DNAJC7: variants seen among roughly 807,000 people sequenced by gnomAD.
DNAJC7 encodes DnaJ heat shock protein family (Hsp40) member C7.
DNAJC7 carries 18 observed loss-of-function variants against 67.4 expected under a neutral mutation model. That is an observed-to-expected ratio of 0.27 (90% CI 0.18 to 0.40). DNAJC7 has a LOEUF of 0.40. Among genes scored for constraint, DNAJC7 ranks in the 10% least tolerant of loss-of-function variants. The pLI is 1.00. For missense variants in DNAJC7, 419 were observed against 613.8 expected, an observed-to-expected ratio of 0.68 and a Z score of 3.35; for synonymous variants, 220 against 207.8, an observed-to-expected ratio of 1.06 and a Z score of -0.50.
intron 12 of DNAJC7, among the ~76,000 whole-genome samples, chr17:41,978,627 AGGTG>A (rs1415002585): frequency 6.6e-6 from 1 of 152,214 alleles, no homozygotes; most frequent in African/African-American, 2.4e-5. Flanking sequence ...TGGGAGGCCA[AGGTG>A]GGTGGATCAC....
chr17:42,002,599 C>A (rs1430889986), intron 1 of DNAJC7, among the ~76,000 whole-genome samples: 1 of 152,168 alleles, frequency 6.6e-6, no homozygotes, highest in Non-Finnish European at 1.5e-5. Context: ...TCATTATTCC[C>A]ATTTTTCAAA....
chr17:42,002,019 T>TCAAGAAAGATCCCCCAATTG (rs1192370574), intron 1 of DNAJC7, among the ~76,000 whole-genome samples: 84 of 152,322 alleles, frequency 5.5e-4, no homozygotes, highest in Middle Eastern at 6.8e-3. Context: ...TGAAAAATCT[T>TCAAGAAAGATCCCCCAATTG]CAAGAAAGAT....
chr17:41,996,451 A>T, intron 3 of DNAJC7, 27 bp from the exon 4 acceptor site: 1 of 1,597,304 alleles, frequency 6.3e-7, no homozygotes, highest in Middle Eastern at 1.7e-4. Context: ...AGGGAAGAAA[A>T]GAAGCATGAT....
intron 7 of DNAJC7, among the ~76,000 whole-genome samples, 162 bp from the exon 8 acceptor site, chr17:41,989,058 C>G (rs2069063952): frequency 6.6e-6 from 1 of 152,126 alleles, no homozygotes; most frequent in Admixed American, 6.6e-5. Context: ...ATTTGAGCTT[C>G]CTACAGAGTG....
chr17:41,986,197 C>T (rs2051374314), intron 9 of DNAJC7: 1 of 151,794 alleles, frequency 6.6e-6, no homozygotes, highest in African/African-American at 2.4e-5. Flanking sequence ...GAAACCCCAT[C>T]TCCAATAAAA....
chr17:41,999,897 C>A (rs1253534059), intron 2 of DNAJC7, among the ~76,000 whole-genome samples: 1 of 149,552 alleles, frequency 6.7e-6, no homozygotes, highest in Non-Finnish European at 1.5e-5. Context: ...TGGCTCACTG[C>A]AACTTCTACC....
chr17:41,979,657 T>TAAAAAA (rs71155200), intron 12 of DNAJC7, among the ~76,000 whole-genome samples: 4 of 47,860 alleles, frequency 8.4e-5, no homozygotes, highest in South Asian at 1.4e-3. Flanking sequence ...GGCTCAGTCT[T>TAAAAAA]AAAAAAAAAA....
At chr17:41,988,390 T>C (rs1419876348) in intron 8 of DNAJC7, among the ~76,000 whole-genome samples, 1 of 152,110 alleles carries the variant, frequency 6.6e-6, no homozygotes, top group East Asian at 1.9e-4. Flanking sequence ...ATACTCTTCC[T>C]CCAAATCACT....
chr17:41,978,114 C>T (rs184607376), intron 12 of DNAJC7, among the ~76,000 whole-genome samples: 8 of 152,292 alleles, frequency 5.3e-5, no homozygotes, highest in African/African-American at 1.9e-4. Context: ...AACTTGCCCA[C>T]GATCACATGG....
intron 1 of DNAJC7, chr17:42,016,602 G>A (rs1555651947): frequency 6.5e-6 from 1 of 152,834 alleles, no homozygotes; most frequent in Non-Finnish European, 1.5e-5. Context: ...AGCTCCCTTG[G>A]CTAGTCCGAC....
intron 1 of DNAJC7, among the ~76,000 whole-genome samples, chr17:42,002,024 A>G (rs1261732431): frequency 6.6e-6 from 1 of 152,206 alleles, no homozygotes; most frequent in Non-Finnish European, 1.5e-5. Flanking sequence ...AATCTTCAAG[A>G]AAGATCCCCC....
At chr17:41,978,249 AC>A (rs2051143132) in intron 12 of DNAJC7, among the ~76,000 whole-genome samples, 1 of 151,902 alleles carries the variant, frequency 6.6e-6, no homozygotes, top group Non-Finnish European at 1.5e-5. Flanking sequence ...AGAAGGACTG[AC>A]CCCCACCAGG....
At chr17:42,009,083 T>C (rs139730042) in intron 1 of DNAJC7, among the ~76,000 whole-genome samples, 8 of 152,298 alleles carry the variant, frequency 5.3e-5, no homozygotes, top group East Asian at 1.9e-4. Context: ...CAGAAAAAAA[T>C]AGAAGGTGAG....
chr17:41,998,140 G>A (rs775979497), intron 2 of DNAJC7, among the ~76,000 whole-genome samples: 2 of 151,946 alleles, frequency 1.3e-5, no homozygotes, highest in Non-Finnish European at 2.9e-5. Context: ...TGGGATTACA[G>A]GAGTGAGCTA....
intron 5 of DNAJC7, among the ~76,000 whole-genome samples, chr17:41,993,553 ACT>A (rs1291179869): frequency 6.6e-6 from 1 of 152,160 alleles, no homozygotes; most frequent in Non-Finnish European, 1.5e-5. Context: ...TGAAGTGACA[ACT>A]CTGTTCCTTG....
At chr17:41,988,455 G>T (rs561444741) in intron 8 of DNAJC7, among the ~76,000 whole-genome samples, 60 of 152,332 alleles carry the variant, frequency 3.9e-4, no homozygotes, top group Non-Finnish European at 7.3e-4. Context: ...GCAACAGTAG[G>T]TGCTTAAGAT....
chr17:42,016,889 G>A, intron 1 of DNAJC7: 1 of 986,148 alleles, frequency 1.0e-6, no homozygotes, highest in Non-Finnish European at 1.3e-6. Flanking sequence ...GATCGCTGGG[G>A]TATAATTACA....
At chr17:41,990,479 G>A (rs1227129733) in intron 5 of DNAJC7, 97 bp from the exon 6 acceptor site, 3 of 991,532 alleles carry the variant, frequency 3.0e-6, no homozygotes, top group Non-Finnish European at 4.7e-6. Flanking sequence ...AAAACTCAAT[G>A]AGGTCTTTGG....
chr17:42,012,219 C>G (rs1380140352), intron 1 of DNAJC7, among the ~76,000 whole-genome samples: 1 of 152,128 alleles, frequency 6.6e-6, no homozygotes, highest in African/African-American at 2.4e-5. Context: ...GTGTAGTGGC[C>G]CACGCCTGTA....
Sources: allele counts gnomAD v4.1 joint callset (sites outside exome capture counted in the v4.1 genomes callset), GRCh38; gene constraint gnomAD v4.1.1; transcripts MANE v1.5; gene names NCBI Gene and HGNC (gene_info 2026-07-23, HGNC 2026-07-21).